The following RBFOX1 variants were observed in gnomAD, a reference collection of about 807,000 sequenced individuals.
The protein encoded by RBFOX1 is RNA binding fox-1 homolog 1, also known as RNA binding protein fox-1 homolog 1.
A neutral mutation model predicts 57.7 loss-of-function variants in RBFOX1; 8 were observed. The observed-to-expected ratio is 0.14, with a 90% CI of 0.08 to 0.25. RBFOX1 has a LOEUF of 0.25. Ranked by LOEUF, RBFOX1 falls within the 10% of genes least tolerant of loss-of-function variation. RBFOX1 has a pLI of 1.00. For missense variants in RBFOX1, 611 were observed against 548.5 expected (o/e 1.11, Z -1.14); for synonymous variants, 326 against 222.4 (o/e 1.47, Z -4.15).
At chr16:6,816,029 G>T (rs148484691) in intron 3 of RBFOX1, among the ~76,000 whole-genome samples, 2 of 152,076 alleles carry the variant, frequency 1.3e-5, no homozygotes, top group African/African-American at 4.8e-5. Context: ...AAAAATAATC[G>T]GCCAGGAGCA....
At chr16:5,943,945 A>G (rs1362905144) in intron 4 of RBFOX1, among the ~76,000 whole-genome samples, 1 of 148,776 alleles carries the variant, frequency 6.7e-6, no homozygotes, top group African/African-American at 2.5e-5. Context: ...TCTATTTTCC[A>G]TCCATCCATC....
chr16:5,802,580 G>C (rs2055096122), intron 3 of RBFOX1, among the ~76,000 whole-genome samples: 2 of 152,152 alleles, frequency 1.3e-5, no homozygotes, highest in African/African-American at 2.4e-5. Flanking sequence ...AAAGTTTTCA[G>C]ATCTTTCTCT....
At chr16:5,814,874 A>G (rs1303432780) in intron 3 of RBFOX1, among the ~76,000 whole-genome samples, 1 of 152,134 alleles carries the variant, frequency 6.6e-6, no homozygotes, top group African/African-American at 2.4e-5. Flanking sequence ...GCTTGCAGTG[A>G]GCCGAGATTG....
chr16:6,028,290 A>G (rs1411426726), intron 1 of RBFOX1, among the ~76,000 whole-genome samples: 1 of 152,110 alleles, frequency 6.6e-6, no homozygotes, highest in Non-Finnish European at 1.5e-5. Flanking sequence ...GAAATTCCCC[A>G]GTGGAGGGAA....
At chr16:6,366,870 G>T (rs1256049292) in intron 2 of RBFOX1, among the ~76,000 whole-genome samples, 2 of 152,126 alleles carry the variant, frequency 1.3e-5, no homozygotes, top group Admixed American at 6.5e-5. Context: ...TATCAGAGTG[G>T]CTCTCTCTAT....
chr16:6,820,457 C>G (rs12933585), intron 3 of RBFOX1, among the ~76,000 whole-genome samples: 41,954 of 151,926 alleles, frequency 0.28, 5,817 homozygotes, highest in Admixed American at 0.3. Context: ...AGGAGTTCGA[C>G]ACCAGCATGG....
chr16:7,329,307 T>G (rs1375939741), intron 4 of RBFOX1, among the ~76,000 whole-genome samples: 2 of 152,230 alleles, frequency 1.3e-5, no homozygotes, highest in Non-Finnish European at 2.9e-5. Flanking sequence ...TCCTTTCACC[T>G]TGCTGTTTCT....
At position 7,517,332 on chromosome 16, in the gene RBFOX1, T is replaced by A. The variant is rs545617379; in HGVS notation, c.28-815T>A. 7.2e-5 allele frequency among the ~76,000 whole-genome samples: 11 copies of A among 152,180 alleles called. No homozygotes were observed. The South Asian group carries it at 2.3e-3, about 32-fold the overall frequency. Reference sequence around the variant, plus strand: ...TCACACTGCCTGTTTTGCCTAGATCTGAAGAATGAATTGTTATATAATACT... The same window carrying A: ...TCACACTGCCTGTTTTGCCTAGATCAGAAGAATGAATTGTTATATAATACT... On this transcript the variant is annotated intron_variant, in intron 4 of 15. Transcript: ENST00000550418.
At chr16:6,747,108 C>G (rs2073856699) in intron 3 of RBFOX1, among the ~76,000 whole-genome samples, 1 of 152,094 alleles carries the variant, frequency 6.6e-6, no homozygotes, top group African/African-American at 2.4e-5. Flanking sequence ...ATGGGAGATC[C>G]TTAAATTATC....
At chr16:7,374,269 C>A (rs746711242) in intron 4 of RBFOX1, among the ~76,000 whole-genome samples, 3 of 152,154 alleles carry the variant, frequency 2.0e-5, no homozygotes, top group Non-Finnish European at 4.4e-5. Context: ...TTCTGAGGCT[C>A]CGTGTTTTCG....
chr16:7,186,631 TATA>T (rs558987506), intron 4 of RBFOX1, among the ~76,000 whole-genome samples: 21 of 143,590 alleles, frequency 1.5e-4, no homozygotes, highest in East Asian at 2.0e-4. Context: ...TTTATATAAA[TATA>T]ATATTTATAT....
intron 2 of RBFOX1, among the ~76,000 whole-genome samples, chr16:6,431,745 A>G (rs2094093217): frequency 6.6e-6 from 1 of 152,092 alleles, no homozygotes; most frequent in Non-Finnish European, 1.5e-5. Context: ...AGTCCTGGCT[A>G]CTTTACCAGC....
At chr16:7,041,980 G>C (rs2046327955) in intron 3 of RBFOX1, among the ~76,000 whole-genome samples, 1 of 152,152 alleles carries the variant, frequency 6.6e-6, no homozygotes, top group Non-Finnish European at 1.5e-5. Context: ...CGTTACTTAG[G>C]AGATGTTCAA....
At chr16:5,904,150 C>G (rs1001697945) in intron 4 of RBFOX1, among the ~76,000 whole-genome samples, 1 of 152,058 alleles carries the variant, frequency 6.6e-6, no homozygotes, top group Non-Finnish European at 1.5e-5. Flanking sequence ...ATTCGGAGAT[C>G]GGCAATGCCT....
chr16:6,687,061 C>G (rs1227441611), intron 3 of RBFOX1, among the ~76,000 whole-genome samples: 1 of 152,178 alleles, frequency 6.6e-6, no homozygotes, highest in Non-Finnish European at 1.5e-5. Flanking sequence ...AAAACAGGAA[C>G]AGCAGGTATC....
intron 4 of RBFOX1, among the ~76,000 whole-genome samples, chr16:5,908,114 A>G (rs1425523415): frequency 1.1e-4 from 15 of 137,848 alleles, no homozygotes; most frequent in Non-Finnish European, 3.0e-5. Flanking sequence ...ATATATACAC[A>G]TATATACACA....
At chr16:6,989,584 T>C (rs2091054230) in intron 3 of RBFOX1, among the ~76,000 whole-genome samples, 1 of 152,148 alleles carries the variant, frequency 6.6e-6, no homozygotes, top group Non-Finnish European at 1.5e-5. Context: ...GGTACAGCTG[T>C]GGAGAATGCA....
At chr16:5,311,483 T>C (rs2064088194) in intron 1 of RBFOX1, among the ~76,000 whole-genome samples, 1 of 152,202 alleles carries the variant, frequency 6.6e-6, no homozygotes, top group Non-Finnish European at 1.5e-5. Context: ...CATACTGTTT[T>C]CCATAAAGGT....
At chr16:5,556,950 G>A (rs2045700685) in intron 2 of RBFOX1, among the ~76,000 whole-genome samples, 1 of 152,166 alleles carries the variant, frequency 6.6e-6, no homozygotes, top group Non-Finnish European at 1.5e-5. Flanking sequence ...ATTTCCTCAT[G>A]TTAATTTGAA....
Sources: gnomAD v4.1 joint callset for allele counts (sites outside exome capture counted in the v4.1 genomes callset) on GRCh38, gnomAD v4.1.1 for gene constraint, MANE v1.5 for transcripts, NCBI Gene and HGNC (gene_info 2026-07-23, HGNC 2026-07-21) for gene names.